The following URI1 variants were observed in gnomAD, a reference collection of about 807,000 sequenced individuals.
URI1 encodes the protein URI1 prefoldin like chaperone.
URI1 carries 39 observed loss-of-function variants against 60.2 expected under a neutral mutation model. The ratio of observed to expected loss-of-function variants is 0.65; its 90% CI spans 0.50 to 0.85. The LOEUF (loss-of-function observed/expected upper bound fraction) is 0.85. Among genes scored for constraint, URI1 ranks in the 40% least tolerant of loss-of-function variants. The pLI, the probability that URI1 is intolerant of heterozygous loss-of-function variation, is 0.00. For missense variants in URI1, 691 were observed against 665.9 expected (o/e 1.04, Z -0.42); for synonymous variants, 251 against 236.8 (o/e 1.06, Z -0.55).
intron 1 of URI1, among the ~76,000 whole-genome samples, chr19:29,926,484 G>GAC (rs2054869466): frequency 6.6e-6 from 1 of 152,170 alleles, no homozygotes; most frequent in East Asian, 1.9e-4. Flanking sequence ...GTCTCACTAT[G>GAC]TTGCCCAGAC....
Position 29,949,089 on chromosome 19 carries a change from G to A in URI1, c.117+6425G>A, listed in dbSNP as rs367961301. The stretch of plus-strand genomic sequence containing the variant: ...CTCCCGGACGGGGCTTCTGCCGGGC[G>A]GAGACGCTCCTCACTTCCCAGACGG... On this transcript the variant is annotated intron_variant, in intron 1 of 10. Coordinates refer to ENST00000392271, the MANE Select transcript of URI1 (RefSeq NM_003796.3). 2.6e-4 allele frequency among the ~76,000 whole-genome samples: 39 copies of A among 150,088 alleles called. 2 individuals are homozygous for A. In the East Asian group the frequency reaches 4.8e-3, roughly 18 times the overall value.
intron 4 of URI1, among the ~76,000 whole-genome samples, chr19:29,993,740 A>G (rs2055775174): frequency 6.6e-6 from 1 of 152,138 alleles, no homozygotes; most frequent in South Asian, 2.1e-4. Flanking sequence ...AAAAACAACT[A>G]TGCTTCCTTT....
At position 30,014,937 on chromosome 19, in the gene URI1, A is replaced by T. The variant is rs745703236; in HGVS notation, c.1476A>T (p.Thr492=). Residue 492 remains threonine (T), a synonymous_variant, in exon 11 of 11, where the codon ACA becomes ACT. Transcript: ENST00000392271. ...IEKEFVSPSL[T]PPPAIAHPAL... ...AAGAATTTGTATCACCTTCCTTAAC[A>T]CCACCCCCAGCCATTGCTCATCCCG... The T allele has an allele frequency of 6.2e-7, 1 of 1,613,610 alleles. No individual in the cohort carries two copies. The highest frequency in any genetic ancestry group is 8.5e-7 in the Non-Finnish European group (1 of 1,179,658).
intron 2 of URI1, among the ~76,000 whole-genome samples, chr19:29,978,390 A>G (rs1437658181): frequency 6.7e-6 from 1 of 149,704 alleles, no homozygotes; most frequent in Non-Finnish European, 1.5e-5. Context: ...GACTGAGGCA[A>G]AGGGCTTAGG....
chr19:29,980,612 T>TAAAAAA lies in URI1; in HGVS notation c.153-4589_153-4584dup, dbSNP rs71333427. On this transcript the variant is annotated intron_variant, in intron 2 of 10. Transcript: ENST00000392271. ...GAGAGTGATAGAAGATTTTTTTTCT[T>TAAAAAA]AAAAAAAAAAAAAAAAAAAAAAAAA... 5.4e-5 allele frequency among the ~76,000 whole-genome samples: 4 copies of TAAAAAA among 73,850 alleles called. 1 individual carries two copies. Among genetic ancestry groups the TAAAAAA allele is most frequent in the East Asian group, 4.7e-4 (1 of 2,136 alleles). 48.4% of individuals were successfully genotyped at this position (73,850 alleles called of 152,430 possible).
chr19:29,986,201 C>G (rs1041399147), intron 3 of URI1, 81 bp from the exon 4 acceptor site: 2 of 1,353,506 alleles, frequency 1.5e-6, no homozygotes, highest in African/African-American at 1.5e-5. Context: ...TTATGTAAGG[C>G]TTTTAATGCG....
At chr19:30,011,548 C>T (rs569833314) in intron 9 of URI1, among the ~76,000 whole-genome samples, 56 of 151,124 alleles carry the variant, frequency 3.7e-4, no homozygotes, top group African/African-American at 1.1e-3. Flanking sequence ...TAGGTCCCTA[C>T]GTTTCTACCA....
chr19:29,979,730 CAT>C (rs71884565), intron 2 of URI1, among the ~76,000 whole-genome samples: 2,461 of 152,178 alleles, frequency 0.016, 72 homozygotes, highest in African/African-American at 0.056. Flanking sequence ...ATATAAAGAA[CAT>C]AGATTATTTC....
chr19:29,976,087 A>C (rs1209348483), intron 2 of URI1, among the ~76,000 whole-genome samples: 1 of 151,902 alleles, frequency 6.6e-6, no homozygotes, highest in South Asian at 2.1e-4. Flanking sequence ...TTTTAGGATT[A>C]CTAAATGAGA....
upstream of URI1, among the ~76,000 whole-genome samples, chr19:29,941,253 C>T (rs1161613513): frequency 6.6e-6 from 1 of 152,064 alleles, no homozygotes; most frequent in East Asian, 1.9e-4. Context: ...GCCACTTTCA[C>T]GCAGTTAGGT....
At chr19:29,964,463 TG>T (rs375075617) in intron 1 of URI1, among the ~76,000 whole-genome samples, 22 of 146,016 alleles carry the variant, frequency 1.5e-4, no homozygotes, top group Admixed American at 2.0e-4. Context: ...TTTTTTGTTT[TG>T]TTTTTTTTTT....
Position 30,005,683 on chromosome 19 carries a change from A to G in URI1, c.492A>G (p.Glu164=). 3.1e-6 allele frequency: 5 copies of G among 1,612,242 alleles called. No homozygotes were observed. The highest frequency in any genetic ancestry group is 4.2e-6 in the Non-Finnish European group (5 of 1,179,192). The change falls in exon 6 of 11, where the codon GAA becomes GAG. Residue 164 remains glutamate, a synonymous_variant. Coordinates refer to ENST00000392271, the MANE Select transcript of URI1 (RefSeq NM_003796.3). ...AAGDIVDIRE[E]IKCDFEFKAK... Reference sequence around the variant, plus strand: ...GTGATATTGTTGACATACGAGAAGAAATTAAATGTGACTTCGAATTTAAAG... The same window carrying G: ...GTGATATTGTTGACATACGAGAAGAGATTAAATGTGACTTCGAATTTAAAG...
intron 1 of URI1, among the ~76,000 whole-genome samples, chr19:29,924,358 C>T (rs1568397868): frequency 2.0e-5 from 3 of 152,136 alleles, no homozygotes; most frequent in Non-Finnish European, 4.4e-5. Flanking sequence ...AATGGTTTTA[C>T]CAGCCTCCTC....
chr19:29,971,360 T>C, intron 2 of URI1, 133 bp downstream of exon 2: 1 of 790,264 alleles, frequency 1.3e-6, no homozygotes, highest in Non-Finnish European at 2.1e-6. Context: ...TAGTCTCCAT[T>C]TTGAATGCCT....
upstream of URI1, among the ~76,000 whole-genome samples, chr19:29,940,755 G>C (rs769850050): frequency 6.6e-6 from 1 of 152,198 alleles, no homozygotes; most frequent in Non-Finnish European, 1.5e-5. Context: ...CTGGAGCTAG[G>C]GGGTGGGTCA....
rs544934425 is a variant in URI1 at position 29,956,413 on chromosome 19, G to A, written c.117+13749G>A. The stretch of plus-strand genomic sequence containing the variant: ...CTGTAGCTGGATAACTCTTAGATCT[G>A]ATTCATCAACCTGCTGAACAGTTCC... On this transcript the variant is annotated intron_variant, in intron 1 of 10. Transcript: ENST00000392271. 863 of 1,498,960 alleles carry A rather than the reference G, an allele frequency of 5.8e-4. 2 individuals are homozygous for A. In the African/African-American group the frequency reaches 0.01, roughly 18 times the overall value. 92.9% of individuals were successfully genotyped at this position (1,498,960 alleles called of 1,614,324 possible).
intron 2 of URI1, among the ~76,000 whole-genome samples, chr19:29,978,184 G>C (rs575522029): frequency 6.6e-6 from 1 of 152,140 alleles, no homozygotes; most frequent in African/African-American, 2.4e-5. Context: ...CAACCAGCTA[G>C]TTTAACGCAC....
At chr19:29,942,220 G>A (rs1176053760), upstream of URI1, 1 of 984,726 alleles carries the variant, frequency 1.0e-6, no homozygotes, top group Non-Finnish European at 1.2e-6. Context: ...TGCTTCCGGC[G>A]TGCCGCGAGA....
chr19:29,984,046 T>C (rs1330195454), intron 2 of URI1, among the ~76,000 whole-genome samples: 1 of 152,230 alleles, frequency 6.6e-6, no homozygotes, highest in Non-Finnish European at 1.5e-5. Context: ...TAAGGTTTTC[T>C]GATGAGGACT....
Sources: allele counts gnomAD v4.1 joint callset (sites outside exome capture counted in the v4.1 genomes callset), GRCh38; gene constraint gnomAD v4.1.1; transcripts MANE v1.5; gene names NCBI Gene and HGNC (gene_info 2026-07-23, HGNC 2026-07-21).